Variants in NF2 observed in about 807,000 individuals in gnomAD.
The protein encoded by NF2 is NF2, moesin-ezrin-radixin like (MERLIN) tumor suppressor, also known as merlin.
A neutral mutation model predicts 83.7 loss-of-function variants in NF2; 8 were observed. The ratio of observed to expected loss-of-function variants is 0.10; its 90% CI spans 0.06 to 0.17. The LOEUF (loss-of-function observed/expected upper bound fraction) is 0.17, where lower values mean the gene tolerates loss of function less well. Among genes scored for constraint, NF2 ranks in the 10% least tolerant of loss-of-function variants. NF2 has a pLI of 1.00. For synonymous variants in NF2, 266 were observed against 269.6 expected (o/e 0.99, Z 0.13); for missense variants, 533 against 744.4 (o/e 0.72, Z 3.31).
intron 10 of NF2, 88 bp from the exon 11 acceptor site, chr22:29,671,738 G>A (rs935738085): frequency 1.3e-6 from 2 of 1,589,648 alleles, no homozygotes; most frequent in Admixed American, 1.7e-5. Flanking sequence ...CAAAAGGGGA[G>A]ACTGGAGATG....
chr22:29,665,170 G>A, intron 9 of NF2, 106 bp downstream of exon 9: 2 of 870,980 alleles, frequency 2.3e-6, no homozygotes, highest in Non-Finnish European at 3.8e-6. Context: ...GTATAGAATG[G>A]TATCTCACTT....
At chr22:29,645,735 A>G (rs1394662973) in intron 4 of NF2, among the ~76,000 whole-genome samples, 1 of 152,150 alleles carries the variant, frequency 6.6e-6, no homozygotes, top group African/African-American at 2.4e-5. Flanking sequence ...TTGGGCCACA[A>G]ATTCAAAGGC....
intron 1 of NF2, among the ~76,000 whole-genome samples, chr22:29,624,861 CTTTCTT>C (rs1569272902): frequency 3.9e-4 from 46 of 119,122 alleles, no homozygotes; most frequent in African/African-American, 1.3e-3. Flanking sequence ...TTCTTTCTTT[CTTTCTT>C]TCTCTTTCTC....
At position 29,694,831 on chromosome 22, in the gene NF2, C is replaced by T. The variant is rs979025529; in HGVS notation, c.*29C>T. On this transcript the variant is annotated 3_prime_UTR_variant, in exon 16 of 16. Transcript: ENST00000338641. This position sits in a 1 kb window ranked among gnomAD's most constrained non-coding sequence, Gnocchi z 4.1. The stretch of plus-strand genomic sequence containing the variant: ...GTGACCCAGCCACCCCAGGACCTGC[C>T]ACTTCTCCTGCTACCGGGACCGCGG... 2.5e-6 allele frequency: 4 copies of T among 1,609,988 alleles called. No individual in the cohort carries two copies. Among genetic ancestry groups the T allele is most frequent in the Non-Finnish European group, 3.4e-6 (4 of 1,177,754 alleles).
chr22:29,654,576 A>C (rs925160128), intron 4 of NF2, 81 bp from the exon 5 acceptor site: 3 of 1,153,426 alleles, frequency 2.6e-6, no homozygotes, highest in Non-Finnish European at 3.9e-6. Context: ...GCTGGGAGGG[A>C]ATGAGATTGG....
rs572384896 is a variant in NF2, at chr22:29,696,022, C to T, written c.*1220C>T. ...AGGCAACAGAGGGCCACAGAACCACCCCCACGGCTCACTCCTTGGTCTGGG... is the reference window on the plus strand; with the variant it reads ...AGGCAACAGAGGGCCACAGAACCACTCCCACGGCTCACTCCTTGGTCTGGG... On this transcript the variant is annotated 3_prime_UTR_variant, in exon 16 of 16. Coordinates refer to ENST00000338641, the MANE Select transcript of NF2 (RefSeq NM_000268.4). 1 of 233,446 alleles carries T rather than the reference C, an allele frequency of 4.3e-6. No homozygotes were observed. The highest frequency in any genetic ancestry group is 2.2e-5 in the African/African-American group (1 of 45,440). The allele number at this position is 233,446 out of a possible 1,614,324, so 14.5% of individuals were successfully genotyped here.
intron 1 of NF2, among the ~76,000 whole-genome samples, chr22:29,615,913 G>T (rs2065070358): frequency 6.6e-6 from 1 of 152,130 alleles, no homozygotes. Context: ...CCAGAAGGTA[G>T]AAACAGTTCA....
intron 4 of NF2, among the ~76,000 whole-genome samples, chr22:29,647,645 T>A (rs1003124650): frequency 6.6e-5 from 10 of 152,198 alleles, no homozygotes; most frequent in Admixed American, 6.5e-5. Flanking sequence ...GATTAGATGG[T>A]GCTATACTCT....
chr22:29,629,029 C>T (rs1180404326), intron 1 of NF2, among the ~76,000 whole-genome samples: 1 of 152,150 alleles, frequency 6.6e-6, no homozygotes, highest in Non-Finnish European at 1.5e-5. Context: ...CCACTCCCCT[C>T]TTTTTGCTGT....
rs563431495 is a variant in NF2 at position 29,667,185 on chromosome 22, A to C, written c.886-1148A>C. On this transcript the variant is annotated intron_variant, in intron 9 of 15. Coordinates refer to ENST00000338641, the MANE Select transcript of NF2 (RefSeq NM_000268.4). ...TAATACTTGTATTATCAGCCTTTTAAAATTTTTGCCAATCTTGTGCATCTA... is the reference window on the plus strand; with the variant it reads ...TAATACTTGTATTATCAGCCTTTTACAATTTTTGCCAATCTTGTGCATCTA... Among the ~76,000 whole-genome samples, 104 of 152,152 alleles carry C rather than the reference A, an allele frequency of 6.8e-4. 1 individual carries two copies. The highest frequency in any genetic ancestry group is 1.1e-3 in the Non-Finnish European group (74 of 68,002).
At chr22:29,671,227 C>G (rs1788915641) in intron 10 of NF2, among the ~76,000 whole-genome samples, 1 of 152,112 alleles carries the variant, frequency 6.6e-6, no homozygotes, top group Non-Finnish European at 1.5e-5. Flanking sequence ...TTCAGTGCAC[C>G]GTGTATAAGA....
intron 4 of NF2, among the ~76,000 whole-genome samples, 162 bp downstream of exon 4, chr22:29,642,447 C>T (rs1601589871): frequency 1.3e-5 from 2 of 151,818 alleles, no homozygotes; most frequent in African/African-American, 4.8e-5. Flanking sequence ...TGTCACTGTT[C>T]CAGTGTTTGT....
At chr22:29,657,431 T>A (rs2066344885) in intron 6 of NF2, among the ~76,000 whole-genome samples, 2 of 152,256 alleles carry the variant, frequency 1.3e-5, no homozygotes. Flanking sequence ...TGTCAAACAA[T>A]TTCCCAAAGT....
At chr22:29,685,876 C>T (rs1855795185) in intron 15 of NF2, among the ~76,000 whole-genome samples, 1 of 152,070 alleles carries the variant, frequency 6.6e-6, no homozygotes, top group Admixed American at 6.5e-5. Flanking sequence ...GAATGCTGAG[C>T]GGCCATCCAG....
At chr22:29,633,812 A>T (rs2065577697) in intron 1 of NF2, among the ~76,000 whole-genome samples, 1 of 152,210 alleles carries the variant, frequency 6.6e-6, no homozygotes, top group African/African-American at 2.4e-5. Flanking sequence ...TCTCTGACCT[A>T]GGTCTTGCCT....
intron 1 of NF2, among the ~76,000 whole-genome samples, chr22:29,604,429 T>C (rs894263444): frequency 4.6e-5 from 7 of 152,132 alleles, no homozygotes; most frequent in Admixed American, 2.6e-4. Context: ...CATTAGGTAA[T>C]ATTGTTATGT....
At chr22:29,665,092 T>C in intron 9 of NF2, 28 bp downstream of exon 9, 1 of 1,534,790 alleles carries the variant, frequency 6.5e-7, no homozygotes, top group Non-Finnish European at 9.0e-7. Flanking sequence ...TTTTCATTAC[T>C]GATAATGGTA....
intron 15 of NF2, 63 bp downstream of exon 15, chr22:29,681,664 G>A: frequency 6.2e-7 from 1 of 1,603,550 alleles, no homozygotes; most frequent in East Asian, 2.2e-5. Context: ...ATGTGCGGTT[G>A]GCATCTGGTT....
chr22:29,692,517 G>A (rs1234275157), intron 15 of NF2, among the ~76,000 whole-genome samples: 1 of 152,204 alleles, frequency 6.6e-6, no homozygotes, highest in Admixed American at 6.5e-5. Flanking sequence ...CATGCTCCTC[G>A]GGTGGAGGAT....
Sources: gnomAD v4.1 joint callset for allele counts (sites outside exome capture counted in the v4.1 genomes callset) on GRCh38, gnomAD v4.1.1 for gene constraint, Gnocchi (gnomAD v3.1) non-coding constraint, MANE v1.5 for transcripts, NCBI Gene and HGNC (gene_info 2026-07-23, HGNC 2026-07-21) for gene names.